Variants in TRPM5 observed in about 807,000 individuals in gnomAD.
The protein encoded by TRPM5 is MLSN1 and TRP-related.
TRPM5 carries 121 observed loss-of-function variants against 124.9 expected under a neutral mutation model. The observed-to-expected ratio is 0.97, with a 90% confidence interval of 0.84 to 1.13. The LOEUF (loss-of-function observed/expected upper bound fraction) is 1.13. Among genes scored for constraint, TRPM5 ranks in the 50% most tolerant of loss-of-function variants. The pLI, the probability that TRPM5 is intolerant of heterozygous loss-of-function variation, is 0.00. For missense variants in TRPM5, 1,643 were observed against 1,589.1 expected (o/e 1.03, Z -0.58); for synonymous variants, 781 against 700.5 (o/e 1.11, Z -1.81).
At chr11:2,431,463 G>T in the TRPM5 span, among the ~76,000 whole-genome samples, 1 of 152,090 alleles carries the variant, frequency 6.6e-6, no homozygotes, top group Admixed American at 6.5e-5. Flanking sequence ...CTATGGGGTT[G>T]GGAGGCACAG....
intron 2 of TRPM5, 129 bp downstream of exon 7, chr11:2,422,011 TG>T (rs1243691072): frequency 2.6e-6 from 2 of 759,260 alleles, no homozygotes; most frequent in Non-Finnish European, 3.7e-6. Flanking sequence ...CTGTGCCGGG[TG>T]GGGGGACAGT....
At chr11:2,431,577 T>C in the TRPM5 span, among the ~76,000 whole-genome samples, 122 of 152,176 alleles carry the variant, frequency 8.0e-4, 1 homozygote, top group African/African-American at 2.9e-3. Flanking sequence ...CAGGTCATGT[T>C]CCTCCCTGCC....
In TRPM5 at chr11:2,405,404, G is replaced by A. The variant is rs571156684; in HGVS notation, c.3391+123C>T. On this transcript the variant is annotated intron_variant, in intron 23 of 23. Transcript: ENST00000155858. ...CCCTGAAGAGCCGCGTCCAGCCAAGGCCTCCTGAGACTCCCGGGCCAGGCA... is the reference window on the plus strand; with the variant it reads ...CCCTGAAGAGCCGCGTCCAGCCAAGACCTCCTGAGACTCCCGGGCCAGGCA... 3.9e-6 allele frequency: 4 copies of A among 1,036,264 alleles called. No homozygotes were observed. The African/African-American group carries it at 4.8e-5, about 12-fold the overall frequency. 64.2% of individuals were successfully genotyped at this position (1,036,264 alleles called of 1,614,324 possible).
the TRPM5 span, among the ~76,000 whole-genome samples, chr11:2,443,886 A>G: frequency 1.1e-3 from 160 of 141,616 alleles, no homozygotes; most frequent in African/African-American, 4.0e-3. The surrounding 1 kb of genome is among the most constrained non-coding windows in gnomAD (Gnocchi z 5.0). Flanking sequence ...GAGGCAGTGC[A>G]GAGACCTGTG....
Position 2,418,157 on chromosome 11 carries a change from C to T in TRPM5, c.906+10G>A. The T allele has an allele frequency of 6.5e-7, 1 of 1,548,178 alleles. No individual in the cohort carries two copies. On this transcript the variant is annotated intron_variant, in intron 6 of 23. Coordinates refer to ENST00000155858, the Ensembl canonical transcript of TRPM5. ...GGGGTCGGGAGGACAGGGGAGGGGG[C>T]AGCACATACCAGCTTGGTCCAGCGC...
At chr11:2,412,992 G>C (rs559213664) in exon 15 of TRPM5, 1 of 1,605,012 alleles carries the variant, frequency 6.2e-7, no homozygotes, top group East Asian at 2.2e-5. Context: ...AGCCCTCGGC[G>C]CCTCCACCAG....
Position 2,418,369 on chromosome 11 carries a change from G to A in TRPM5, c.715-11C>T, listed in dbSNP as rs1193772596. On this transcript the variant is annotated splice_polypyrimidine_tract_variant and intron_variant, in intron 5 of 23. Coordinates refer to ENST00000155858, the Ensembl canonical transcript of TRPM5. ...GGCCCTGGAGATCCTCTGAGACGGG[G>A]AGGGAGGGGAGAGCGGACCCCAGAT... The A allele has an allele frequency of 6.5e-7, 1 of 1,542,790 alleles. No individual in the cohort carries two copies.
rs780174042 is a variant in TRPM5, at chr11:2,411,413, G to A, written c.2721C>T (p.Arg907=). 1.1e-5 allele frequency: 18 copies of A among 1,612,208 alleles called. No homozygotes were observed. In the South Asian group the frequency reaches 1.8e-4, roughly 16 times the overall value. ...GCAGGTAGGGCCGGTAGAGCACCCG[G>A]CGGAAGATCCACTCCAGGCGGCCGT... The change falls in exon 18 of 24, where the codon CGC becomes CGT. Residue 907 remains arginine, a synonymous_variant. Coordinates refer to ENST00000155858, the Ensembl canonical transcript of TRPM5.
the TRPM5 span, among the ~76,000 whole-genome samples, chr11:2,436,899 G>A: frequency 6.6e-6 from 1 of 152,212 alleles, no homozygotes; most frequent in African/African-American, 2.4e-5. Flanking sequence ...GCAGCCAGAA[G>A]CACCCCGCTC....
upstream of TRPM5, among the ~76,000 whole-genome samples, chr11:2,423,609 G>A (rs1267681238): frequency 6.6e-6 from 1 of 152,154 alleles, no homozygotes; most frequent in Admixed American, 6.5e-5. Context: ...GGAGGCCCAG[G>A]ACACACAGAG....
At chr11:2,439,563 G>T in the TRPM5 span, among the ~76,000 whole-genome samples, 2 of 152,178 alleles carry the variant, frequency 1.3e-5, no homozygotes, top group African/African-American at 2.4e-5. Flanking sequence ...CGGTCAACAA[G>T]CATATAAAAG....
intron 18 of TRPM5, among the ~76,000 whole-genome samples, chr11:2,409,906 G>A (rs562274005): frequency 3.2e-4 from 48 of 152,298 alleles, no homozygotes; most frequent in Non-Finnish European, 4.3e-4. Flanking sequence ...GCCTTCTCCC[G>A]TCGAGAAGGA....
rs746742097 is a variant in TRPM5 at position 2,414,892 on chromosome 11, G to C, written c.1620+15C>G. 1 of 1,598,438 alleles carries C rather than the reference G, an allele frequency of 6.3e-7. No individual in the cohort carries two copies. The highest frequency in any genetic ancestry group is 1.3e-5 in the African/African-American group (1 of 74,610). ...CCTCCCCTGCCCCCGCGCTGGGCCC[G>C]CGGCCTGGGCTCACCATGGCCCAGA... On this transcript the variant is annotated intron_variant, in intron 10 of 23. Transcript: ENST00000155858.
intron 4 of TRPM5, among the ~76,000 whole-genome samples, chr11:2,419,612 G>A (rs1165635667): frequency 1.8e-5 from 2 of 113,656 alleles, no homozygotes; most frequent in African/African-American, 8.4e-5. Context: ...GACAGAGTGA[G>A]ATTCTGCCTC....
chr11:2,413,102 CCCT>C, intron 14 of TRPM5, 29 bp downstream of exon 19: 2 of 1,549,688 alleles, frequency 1.3e-6, no homozygotes, highest in Non-Finnish European at 1.7e-6. Context: ...CCCGCCAGTC[CCCT>C]CCACCCTGCC....
At chr11:2,404,729 T>A (rs1012985465) in exon 24 of TRPM5, 14 of 557,954 alleles carry the variant, frequency 2.5e-5, no homozygotes, top group African/African-American at 9.6e-5. Flanking sequence ...GACAGCCCCA[T>A]GACACTGCTG....
exon 24 of TRPM5, chr11:2,404,812 G>T: frequency 1.4e-6 from 1 of 708,884 alleles, no homozygotes; most frequent in Non-Finnish European, 2.4e-6. Context: ...CACCAGGAGG[G>T]CCATTGTCTG....
intron 1 of TRPM5, among the ~76,000 whole-genome samples, chr11:2,422,640 G>T (rs762103464): frequency 2.6e-5 from 4 of 151,710 alleles, no homozygotes; most frequent in African/African-American, 9.7e-5. Flanking sequence ...AGCCGAGGGC[G>T]CTGGACAGAG....
intron 20 of TRPM5, 57 bp downstream of exon 25, chr11:2,407,062 C>T: frequency 6.8e-7 from 1 of 1,480,516 alleles, no homozygotes; most frequent in South Asian, 1.3e-5. Flanking sequence ...CACAGCCCCG[C>T]CCTGGGACCC....
Sources: gnomAD v4.1 joint callset for allele counts (sites outside exome capture counted in the v4.1 genomes callset) on GRCh38, gnomAD v4.1.1 for gene constraint, Gnocchi (gnomAD v3.1) non-coding constraint, MANE v1.5 for transcripts, NCBI Gene and HGNC (gene_info 2026-07-23, HGNC 2026-07-21) for gene names.